The following EYA1 variants were observed in gnomAD, a reference collection of about 807,000 sequenced individuals.
The protein encoded by EYA1 is EYA transcriptional coactivator and phosphatase 1, also known as protein phosphatase EYA1.
In EYA1, 16 loss-of-function variants were observed where a neutral mutation model predicts 82.0. That is an observed-to-expected ratio of 0.20 (90% CI 0.13 to 0.30). EYA1 has a LOEUF of 0.30. EYA1 is among the 10% of genes least tolerant of loss of function. The probability of loss-of-function intolerance (pLI) is 1.00; values close to 1 mark genes in which losing one functional copy is unlikely to be tolerated. For synonymous variants in EYA1, 261 were observed against 264.4 expected (o/e 0.99, Z 0.12); for missense variants, 633 against 730.7 (o/e 0.87, Z 1.54).
intron 11 of EYA1, among the ~76,000 whole-genome samples, chr8:71,260,846 C>T (rs2128931171): frequency 6.6e-6 from 1 of 152,222 alleles, no homozygotes; most frequent in South Asian, 2.1e-4. Flanking sequence ...ATGCTCAAAT[C>T]AAGGACAAAT....
intron 2 of EYA1, among the ~76,000 whole-genome samples, chr8:71,526,699 T>C (rs1813843665): frequency 6.6e-6 from 1 of 152,184 alleles, no homozygotes; most frequent in African/African-American, 2.4e-5. Flanking sequence ...GAGTGAGTGA[T>C]CCAACAGAGA....
chr8:71,201,647 T>A (rs1006980141), intron 17 of EYA1, among the ~76,000 whole-genome samples: 7 of 152,214 alleles, frequency 4.6e-5, no homozygotes, highest in African/African-American at 1.4e-4. Flanking sequence ...TATTTTTATA[T>A]ATGTACATAC....
intron 2 of EYA1, among the ~76,000 whole-genome samples, chr8:71,512,375 T>C (rs1812667183): frequency 6.7e-6 from 1 of 150,064 alleles, no homozygotes; most frequent in South Asian, 2.1e-4. Flanking sequence ...TTAAATAAAA[T>C]CAAAGACTAC....
intron 12 of EYA1, among the ~76,000 whole-genome samples, chr8:71,217,490 G>GCCAGTGTGTTGAGGAGC (rs1809356947): frequency 6.6e-6 from 1 of 152,132 alleles, no homozygotes; most frequent in Non-Finnish European, 1.5e-5. Flanking sequence ...ACAGCCTGAG[G>GCCAGTGTGTTGAGGAGC]CCAGTGTGTT....
intron 7 of EYA1, among the ~76,000 whole-genome samples, chr8:71,306,258 T>C (rs1820727683): frequency 3.8e-5 from 3 of 78,112 alleles, no homozygotes; most frequent in South Asian, 5.0e-4. Context: ...GATCAGAGAA[T>C]AGAAAGTTTT....
chr8:71,370,705 T>C (rs1006522403), intron 2 of EYA1, among the ~76,000 whole-genome samples: 3 of 152,092 alleles, frequency 2.0e-5, no homozygotes, highest in Admixed American at 2.0e-4. Flanking sequence ...CCCTGCATCC[T>C]TGACTTGGCA....
At chr8:71,308,372 C>A (rs759383570) in intron 7 of EYA1, among the ~76,000 whole-genome samples, 2 of 152,118 alleles carry the variant, frequency 1.3e-5, no homozygotes, top group African/African-American at 2.4e-5. Context: ...CATAAAGTGT[C>A]CCAGGGACAG....
rs140891561 is a variant in EYA1 at position 71,468,050 on chromosome 8, G to A, written c.33+67694C>T. Among the ~76,000 whole-genome samples the A allele has an allele frequency of 6.5e-4, 99 of 152,214 alleles. No individual in the cohort carries two copies. In the East Asian group the frequency reaches 0.019, roughly 29 times the overall value. Reference sequence around the variant, plus strand: ...ACTGATCCAAGGGCACTGCAGAACTGAGCTAGACTACTATGTAGGTCTCCA... The same window carrying A: ...ACTGATCCAAGGGCACTGCAGAACTAAGCTAGACTACTATGTAGGTCTCCA... On this transcript the variant is annotated intron_variant, in intron 2 of 18. Coordinates refer to the EYA1 transcript ENST00000643681.
chr8:71,246,196 AT>A (rs2128907681), intron 11 of EYA1, among the ~76,000 whole-genome samples: 1 of 152,288 alleles, frequency 6.6e-6, no homozygotes, highest in East Asian at 1.9e-4. Flanking sequence ...TATGTATGCC[AT>A]TTTCAATTCT....
At position 71,270,978 on chromosome 8, in the gene EYA1, C is replaced by T. The variant is rs564140563; in HGVS notation, c.966+780G>A. Among the ~76,000 whole-genome samples the T allele has an allele frequency of 7.9e-5, 12 of 152,050 alleles. No individual in the cohort carries two copies. In the South Asian group the frequency reaches 2.3e-3, roughly 29 times the overall value. ...ACTAAAAATACAAAAATTAGCCGGG[C>T]TTGGTGCCTGTAGTCCCAGCTACTC... is the stretch of plus-strand genomic sequence containing the variant. On this transcript the variant is annotated intron_variant, in intron 10 of 17. Transcript: ENST00000340726.
chr8:71,310,117 A>G (rs1206812768), intron 7 of EYA1, among the ~76,000 whole-genome samples: 2 of 152,184 alleles, frequency 1.3e-5, no homozygotes, highest in South Asian at 2.1e-4. Context: ...CTGGGACGAT[A>G]AAACACTCAG....
intron 2 of EYA1, among the ~76,000 whole-genome samples, chr8:71,518,202 T>G (rs1344500681): frequency 6.6e-6 from 1 of 152,132 alleles, no homozygotes; most frequent in East Asian, 1.9e-4. Context: ...AACCAATATT[T>G]TCAACTGCAA....
intron 12 of EYA1, among the ~76,000 whole-genome samples, chr8:71,226,168 CA>C (rs1180065905): frequency 6.6e-6 from 1 of 151,950 alleles, no homozygotes; most frequent in Non-Finnish European, 1.5e-5. Context: ...CCAGGATGCC[CA>C]AACTTATTAA....
chr8:71,539,496 T>A (rs1814980622), intron 1 of EYA1, among the ~76,000 whole-genome samples: 1 of 152,144 alleles, frequency 6.6e-6, no homozygotes. Context: ...GCAGGTGGCA[T>A]GAGGAACAGC....
At chr8:71,479,496 G>C (rs1036578059) in intron 2 of EYA1, among the ~76,000 whole-genome samples, 1 of 151,924 alleles carries the variant, frequency 6.6e-6, no homozygotes, top group African/African-American at 2.4e-5. Flanking sequence ...TAAGGCCATG[G>C]GGGAGGAATT....
At chr8:71,514,213 A>G (rs1812802347) in intron 2 of EYA1, among the ~76,000 whole-genome samples, 1 of 152,008 alleles carries the variant, frequency 6.6e-6, no homozygotes, top group Non-Finnish European at 1.5e-5. Flanking sequence ...TACTTTGTAG[A>G]TTTGTATTTA....
Position 71,430,344 on chromosome 8 carries a change from C to T in EYA1, c.34-73833G>A, listed in dbSNP as rs56401058. On this transcript the variant is annotated intron_variant, in intron 2 of 18. Coordinates refer to the EYA1 transcript ENST00000643681. ...CTTATGTTCAGAGGAGGTAAATACACTACCCAGAGTCACACACAGACAGTC... is the reference window on the plus strand; with the variant it reads ...CTTATGTTCAGAGGAGGTAAATACATTACCCAGAGTCACACACAGACAGTC... 5.6e-3 allele frequency among the ~76,000 whole-genome samples: 847 copies of T among 152,292 alleles called. 12 individuals carry two copies. Among genetic ancestry groups the T allele is most frequent in the African/African-American group, 0.019 (800 of 41,572 alleles).
intron 3 of EYA1, among the ~76,000 whole-genome samples, chr8:71,341,413 CTG>C (rs1825113236): frequency 6.6e-6 from 1 of 152,074 alleles, no homozygotes; most frequent in Non-Finnish European, 1.5e-5. Context: ...TTTTTAGAAA[CTG>C]TGTCAAATGA....
At chr8:71,506,064 G>T (rs73293161) in intron 2 of EYA1, among the ~76,000 whole-genome samples, 2 of 152,066 alleles carry the variant, frequency 1.3e-5, no homozygotes, top group African/African-American at 2.4e-5. Context: ...AGGTCTTCCC[G>T]GCCATGTGGA....
Sources: allele counts gnomAD v4.1 joint callset (sites outside exome capture counted in the v4.1 genomes callset), GRCh38; gene constraint gnomAD v4.1.1; transcripts MANE v1.5; gene names NCBI Gene and HGNC (gene_info 2026-07-23, HGNC 2026-07-21).